The following LSAMP variants were observed in gnomAD, a reference collection of about 807,000 sequenced individuals.
LSAMP encodes limbic system associated membrane protein, also known as limbic system-associated membrane protein.
LSAMP carries 7 observed loss-of-function variants against 38.6 expected under a neutral mutation model. The observed-to-expected ratio is 0.18, with a 90% confidence interval of 0.10 to 0.34. The LOEUF is 0.34. Ranked by LOEUF, LSAMP falls within the 10% of genes least tolerant of loss-of-function variation. LSAMP has a pLI of 1.00. For missense variants in LSAMP, 313 were observed against 420.0 expected (o/e 0.75, Z 2.23); for synonymous variants, 154 against 166.8 (o/e 0.92, Z 0.59).
At chr3:115,876,339 T>G (rs1337750823) in intron 3 of LSAMP, among the ~76,000 whole-genome samples, 10 of 151,048 alleles carry the variant, frequency 6.6e-5, no homozygotes, top group Non-Finnish European at 1.0e-4. Flanking sequence ...GATCATTAAC[T>G]TTCCTTGACA....
At chr3:115,939,751 G>T (rs1163829994) in intron 3 of LSAMP, among the ~76,000 whole-genome samples, 2 of 151,914 alleles carry the variant, frequency 1.3e-5, no homozygotes, top group Non-Finnish European at 2.9e-5. Context: ...TAGAGATGGG[G>T]TTCTTGCTAG....
At chr3:116,237,195 C>A (rs2046475245) in intron 1 of LSAMP, among the ~76,000 whole-genome samples, 1 of 152,034 alleles carries the variant, frequency 6.6e-6, no homozygotes, top group Non-Finnish European at 1.5e-5. Flanking sequence ...CGCACAAAAG[C>A]TCAAACAAAA....
In LSAMP at chr3:116,065,727, A is replaced by T. The variant is rs146723880; in HGVS notation, c.388+20597T>A. On this transcript the variant is annotated intron_variant, in intron 2 of 6. Coordinates refer to ENST00000490035, the MANE Select transcript of LSAMP (RefSeq NM_002338.5). Reference sequence around the variant, plus strand: ...AACTCAAATTAAATATGCCCAAGAGAACTGTTTACTACCTTTTGTTTATAT... The same window carrying T: ...AACTCAAATTAAATATGCCCAAGAGTACTGTTTACTACCTTTTGTTTATAT... 6.7e-4 allele frequency among the ~76,000 whole-genome samples: 102 copies of T among 152,250 alleles called. 1 individual carries two copies. Among genetic ancestry groups the T allele is most frequent in the African/African-American group, 2.4e-3 (100 of 41,546 alleles).
At chr3:116,173,181 A>G (rs934544030) in intron 1 of LSAMP, among the ~76,000 whole-genome samples, 1 of 152,072 alleles carries the variant, frequency 6.6e-6, no homozygotes, top group African/African-American at 2.4e-5. Flanking sequence ...AGCTGAGTAC[A>G]GAACTGTCAT....
intron 1 of LSAMP, among the ~76,000 whole-genome samples, chr3:116,418,466 C>T (rs1023843585): frequency 6.6e-6 from 1 of 151,646 alleles, no homozygotes; most frequent in Non-Finnish European, 1.5e-5. Context: ...TCTTGTTGAT[C>T]ATTTCTTCAT....
rs539616696 is a variant in LSAMP, at chr3:116,418,042, A to G, written c.155+26835T>C. ...AGATGCAATCTTAAAAAGTTGTGCC[A>G]TTTTTAGAATATTTGTTTTGTAAAT... On this transcript the variant is annotated intron_variant, in intron 1 of 6. Transcript: ENST00000490035. Among the ~76,000 whole-genome samples the G allele has an allele frequency of 2.0e-5, 3 of 152,244 alleles. No homozygotes were observed. In the East Asian group the frequency reaches 5.8e-4, roughly 29 times the overall value.
At position 116,134,417 on chromosome 3, in the gene LSAMP, A is replaced by T. The variant is rs1011668570; in HGVS notation, c.156-47861T>A. 3.9e-5 allele frequency among the ~76,000 whole-genome samples: 6 copies of T among 152,170 alleles called. 1 individual carries two copies. In the South Asian group the frequency reaches 1.2e-3, roughly 32 times the overall value. On this transcript the variant is annotated intron_variant, in intron 1 of 6. Coordinates refer to ENST00000490035, the MANE Select transcript of LSAMP (RefSeq NM_002338.5). The stretch of plus-strand genomic sequence containing the variant: ...GATCCCTATCCTCACCAGCTCCAAA[A>T]ATCTTCTAGTGGCTATCCAGTGTGT...
At chr3:116,208,492 TC>T (rs1197560140) in intron 1 of LSAMP, among the ~76,000 whole-genome samples, 1 of 152,256 alleles carries the variant, frequency 6.6e-6, no homozygotes, top group African/African-American at 2.4e-5. Flanking sequence ...TTTTAGAGTT[TC>T]CCGTTTTTCT....
At chr3:116,359,881 G>C (rs6786250) in intron 1 of LSAMP, 76,202 of 152,074 alleles carry the variant, frequency 0.5, 22,557 homozygotes, top group East Asian at 0.78. Flanking sequence ...AATCCTATAA[G>C]AAAATCTAGG....
intron 1 of LSAMP, among the ~76,000 whole-genome samples, chr3:116,142,334 A>G (rs2107516720): frequency 6.6e-6 from 1 of 152,164 alleles, no homozygotes; most frequent in South Asian, 2.1e-4. Flanking sequence ...GCAAACCCAG[A>G]AAGTATAGTT....
rs533332471 is a variant in LSAMP, at chr3:116,314,200, T to C, written c.155+130677A>G. ...TATTTAAGAACTCAGGCTCCAGAAA[T>C]AGATTGAGTCCAACATCTAATAATT... On this transcript the variant is annotated intron_variant, in intron 1 of 6. Transcript: ENST00000490035. 5.3e-5 allele frequency among the ~76,000 whole-genome samples: 8 copies of C among 152,322 alleles called. No homozygotes were observed. In the South Asian group the frequency reaches 1.7e-3, roughly 32 times the overall value.
At chr3:115,829,071 T>C (rs140474582) in intron 6 of LSAMP, among the ~76,000 whole-genome samples, 258 of 152,296 alleles carry the variant, frequency 1.7e-3, no homozygotes, top group Non-Finnish European at 2.7e-3. Context: ...TTGAGAGAAA[T>C]AACACTTCCA....
intron 1 of LSAMP, among the ~76,000 whole-genome samples, chr3:116,136,671 A>G (rs1031191003): frequency 6.6e-6 from 1 of 151,584 alleles, no homozygotes; most frequent in African/African-American, 2.4e-5. Flanking sequence ...CTTCTTATCC[A>G]CTTGTTCACT....
intron 3 of LSAMP, among the ~76,000 whole-genome samples, chr3:115,900,968 A>G (rs1221919250): frequency 6.6e-6 from 1 of 152,068 alleles, no homozygotes; most frequent in African/African-American, 2.4e-5. Context: ...CTTCCCTCTC[A>G]ATTTTGGCAA....
chr3:116,218,576 GT>G (rs1412555355), intron 1 of LSAMP, among the ~76,000 whole-genome samples: 1 of 152,164 alleles, frequency 6.6e-6, no homozygotes, highest in Non-Finnish European at 1.5e-5. Context: ...AATGTACGGA[GT>G]TCACTGATAA....
chr3:116,243,317 A>G (rs2046563717), intron 1 of LSAMP, among the ~76,000 whole-genome samples: 1 of 152,188 alleles, frequency 6.6e-6, no homozygotes, highest in South Asian at 2.1e-4. Flanking sequence ...AAGCCAGCTT[A>G]ATAGAGGAGT....
chr3:116,370,032 TAGCAAACTAATACACTG>T (rs2107790196), intron 1 of LSAMP: 2 of 152,700 alleles, frequency 1.3e-5, no homozygotes, highest in South Asian at 4.1e-4. Flanking sequence ...ATGGCAACCC[TAGCAAACTAATACACTG>T]AGCAAACTAA....
At chr3:116,015,181 C>T (rs1462699325) in intron 3 of LSAMP, among the ~76,000 whole-genome samples, 1 of 152,112 alleles carries the variant, frequency 6.6e-6, no homozygotes, top group Non-Finnish European at 1.5e-5. Flanking sequence ...TTGTTCTCAG[C>T]CTAAAGGGTT....
chr3:115,836,224 C>T (rs1420630863), intron 6 of LSAMP, among the ~76,000 whole-genome samples: 2 of 152,126 alleles, frequency 1.3e-5, no homozygotes, highest in African/African-American at 4.8e-5. Flanking sequence ...CTGTTATCAT[C>T]GTCTTAGGCC....
Sources: gnomAD v4.1 joint callset for allele counts (sites outside exome capture counted in the v4.1 genomes callset) on GRCh38, gnomAD v4.1.1 for gene constraint, MANE v1.5 for transcripts, NCBI Gene and HGNC (gene_info 2026-07-23, HGNC 2026-07-21) for gene names.